KIAA1328: variants seen among roughly 807,000 people sequenced by gnomAD.
The protein encoded by KIAA1328 is protein hinderin.
Under a neutral mutation model 68.1 loss-of-function variants are expected in KIAA1328, and 52 were observed. The ratio of observed to expected loss-of-function variants is 0.76; its 90% CI spans 0.61 to 0.96. The LOEUF is 0.96. Among genes scored for constraint, KIAA1328 ranks in the 40% least tolerant of loss-of-function variants. The probability of loss-of-function intolerance (pLI) is 0.00; values close to 1 mark genes in which losing one functional copy is unlikely to be tolerated. For synonymous variants in KIAA1328, 232 were observed against 239.4 expected, an observed-to-expected ratio of 0.97 and a Z score of 0.28; for missense variants, 641 against 677.6, an observed-to-expected ratio of 0.95 and a Z score of 0.60.
intron 4 of KIAA1328, among the ~76,000 whole-genome samples, chr18:36,881,133 CTTG>C (rs960731465): frequency 1.5e-5 from 2 of 136,850 alleles, no homozygotes; most frequent in African/African-American, 6.8e-5. Flanking sequence ...AGAAAGTTAA[CTTG>C]TTTTTTTTTT....
chr18:37,078,714 A>G (rs2151787218), intron 7 of KIAA1328, among the ~76,000 whole-genome samples: 1 of 151,084 alleles, frequency 6.6e-6, no homozygotes, highest in East Asian at 1.9e-4. Context: ...ATGCAGCCAA[A>G]AAACACATGA....
chr18:37,230,279 C>G (rs2060658906), downstream of KIAA1328: 1 of 152,224 alleles, frequency 6.6e-6, no homozygotes, highest in Non-Finnish European at 1.5e-5. Flanking sequence ...CTGCACAAGG[C>G]TCTTGGTGAT....
At position 36,881,306 on chromosome 18, in the gene KIAA1328, C is replaced by A. The variant is rs533419823; in HGVS notation, c.333-4251C>A. Reference sequence around the variant, plus strand: ...TTTATAAGTTTTCTTTATATCTAATCTTTTTTCTGCATTTACATTCATTTT... The same window carrying A: ...TTTATAAGTTTTCTTTATATCTAATATTTTTTCTGCATTTACATTCATTTT... On this transcript the variant is annotated intron_variant, in intron 4 of 9. Coordinates refer to ENST00000280020, the MANE Select transcript of KIAA1328 (RefSeq NM_020776.3). Among the ~76,000 whole-genome samples the A allele has an allele frequency of 1.3e-3, 190 of 151,944 alleles. 2 individuals are homozygous for A. In the Middle Eastern group the frequency reaches 0.028, roughly 22 times the overall value.
At chr18:37,113,540 G>C (rs900936723) in intron 7 of KIAA1328, among the ~76,000 whole-genome samples, 1 of 152,174 alleles carries the variant, frequency 6.6e-6, no homozygotes, top group African/African-American at 2.4e-5. Flanking sequence ...ACTGGTACCA[G>C]CCACTGCAAA....
At chr18:37,146,491 A>T (rs1169714086) in intron 7 of KIAA1328, among the ~76,000 whole-genome samples, 2 of 152,106 alleles carry the variant, frequency 1.3e-5, no homozygotes, top group African/African-American at 4.8e-5. Flanking sequence ...ATTGATGGGC[A>T]TTTAGGTTGA....
intron 6 of KIAA1328, among the ~76,000 whole-genome samples, chr18:36,992,884 G>A (rs1405038210): frequency 6.6e-6 from 1 of 152,080 alleles, no homozygotes; most frequent in Non-Finnish European, 1.5e-5. Context: ...CGAGTGGATC[G>A]CTTGAGCCCA....
At chr18:36,837,207 C>T (rs894353028) in intron 3 of KIAA1328, among the ~76,000 whole-genome samples, 3 of 152,102 alleles carry the variant, frequency 2.0e-5, no homozygotes, top group African/African-American at 4.8e-5. Flanking sequence ...ATGTTACATT[C>T]GACTAGCAAT....
chr18:36,982,146 A>AAT (rs2052718095), intron 6 of KIAA1328, among the ~76,000 whole-genome samples: 1 of 55,948 alleles, frequency 1.8e-5, no homozygotes, highest in South Asian at 1.1e-3. Flanking sequence ...AATATAAATA[A>AAT]ATATATATAA....
At chr18:36,912,877 T>C (rs1454692653) in intron 5 of KIAA1328, among the ~76,000 whole-genome samples, 8 of 152,144 alleles carry the variant, frequency 5.3e-5, no homozygotes, top group South Asian at 2.1e-4. Flanking sequence ...CCCAAAATGG[T>C]GGGGCAACGA....
intron 5 of KIAA1328, among the ~76,000 whole-genome samples, chr18:36,946,709 C>T (rs1393103983): frequency 6.6e-6 from 1 of 152,048 alleles, no homozygotes; most frequent in Non-Finnish European, 1.5e-5. Flanking sequence ...TAAATATAAT[C>T]TCTTTAAATT....
At chr18:37,008,950 G>A (rs1386648516) in intron 6 of KIAA1328, among the ~76,000 whole-genome samples, 1 of 152,120 alleles carries the variant, frequency 6.6e-6, no homozygotes, top group Non-Finnish European at 1.5e-5. Context: ...TTATGTCATT[G>A]GAGTCCTAGA....
chr18:37,095,278 G>A (rs1242478385), intron 7 of KIAA1328, among the ~76,000 whole-genome samples: 2 of 152,108 alleles, frequency 1.3e-5, no homozygotes, highest in Non-Finnish European at 2.9e-5. Flanking sequence ...TACAGAATAT[G>A]CATTCTTCTC....
At chr18:36,892,107 C>T (rs2048709564) in intron 5 of KIAA1328, among the ~76,000 whole-genome samples, 1 of 151,880 alleles carries the variant, frequency 6.6e-6, no homozygotes, top group Admixed American at 6.6e-5. Context: ...AGCCAGACTA[C>T]CATGATTTGT....
intron 6 of KIAA1328, among the ~76,000 whole-genome samples, chr18:37,009,086 T>G (rs1168413351): frequency 1.3e-5 from 2 of 152,206 alleles, no homozygotes; most frequent in Non-Finnish European, 2.9e-5. Flanking sequence ...ACACACCTTC[T>G]TTTAAAAATC....
At chr18:37,061,654 G>A (rs1025257513) in intron 6 of KIAA1328, among the ~76,000 whole-genome samples, 9 of 152,144 alleles carry the variant, frequency 5.9e-5, no homozygotes, top group African/African-American at 2.2e-4. Context: ...GCTCCAGAAA[G>A]AAAAATACAT....
chr18:37,154,923 A>G (rs1294619181), intron 7 of KIAA1328, among the ~76,000 whole-genome samples: 1 of 151,994 alleles, frequency 6.6e-6, no homozygotes, highest in Non-Finnish European at 1.5e-5. Context: ...TGGTTGACCT[A>G]TACTACATTA....
intron 6 of KIAA1328, among the ~76,000 whole-genome samples, chr18:37,029,942 T>C (rs556386792): frequency 5.5e-4 from 84 of 152,322 alleles, no homozygotes; most frequent in African/African-American, 2.0e-3. Context: ...TTTGGTAGTT[T>C]CTGTCTTTCA....
intron 9 of KIAA1328, among the ~76,000 whole-genome samples, chr18:37,215,495 A>T (rs2060411468): frequency 6.6e-6 from 1 of 152,222 alleles, no homozygotes; most frequent in Non-Finnish European, 1.5e-5. Flanking sequence ...CCAGGGATGA[A>T]GCCAACTTGA....
At chr18:36,910,768 T>C (rs888908369) in intron 5 of KIAA1328, among the ~76,000 whole-genome samples, 2 of 152,234 alleles carry the variant, frequency 1.3e-5, no homozygotes, top group Non-Finnish European at 2.9e-5. Context: ...TGGAATGTTC[T>C]TCTATTTGTT....
Sources: allele counts gnomAD v4.1 joint callset (sites outside exome capture counted in the v4.1 genomes callset), GRCh38; gene constraint gnomAD v4.1.1; transcripts MANE v1.5; gene names NCBI Gene and HGNC (gene_info 2026-07-23, HGNC 2026-07-21).